Variants in CLEC4C observed in about 807,000 individuals in gnomAD.
The protein encoded by CLEC4C is C-type (calcium dependent, carbohydrate-recognition domain) lectin, superfamily member 11.
In CLEC4C, 17 loss-of-function variants were observed where a neutral mutation model predicts 27.7. That is an observed-to-expected ratio of 0.61 (90% CI 0.42 to 0.92). The LOEUF is 0.92. Ranked by LOEUF, CLEC4C falls within the 40% of genes least tolerant of loss-of-function variation. The probability of loss-of-function intolerance (pLI) is 0.00; values close to 1 mark genes in which losing one functional copy is unlikely to be tolerated. For synonymous variants in CLEC4C, 80 were observed against 80.8 expected, an observed-to-expected ratio of 0.99 and a Z score of 0.06; for missense variants, 244 against 257.3, an observed-to-expected ratio of 0.95 and a Z score of 0.35.
Position 7,746,359 on chromosome 12 carries a change from G to A in CLEC4C, c.96C>T (p.Leu32=), listed in dbSNP as rs755183234. Residue 32 remains leucine (L), a synonymous_variant, in exon 2 of 6, where the codon CTC becomes CTT. Transcript: ENST00000360345. ...CAGAACTCACAGTGAAACAGACACT[G>A]AGGAGCAAGATGGATACGACTGCCA... is the stretch of plus-strand genomic sequence containing the variant. ...WSMAVVSILL[L]SVCFTVSSVV... 1 of 1,613,612 alleles carries A rather than the reference G, an allele frequency of 6.2e-7. No homozygotes were observed. The highest frequency in any genetic ancestry group is 8.5e-7 in the Non-Finnish European group (1 of 1,179,610).
At chr12:7,747,122 C>A (rs1417033367) in intron 1 of CLEC4C, among the ~76,000 whole-genome samples, 196 bp downstream of exon 1, 1 of 152,176 alleles carries the variant, frequency 6.6e-6, no homozygotes, top group East Asian at 1.9e-4. Context: ...CGCGCCCGCC[C>A]GGCCTTTCTT....
intron 5 of CLEC4C, 115 bp from the exon 6 acceptor site, chr12:7,729,855 CA>C (rs1387077501): frequency 1.7e-5 from 15 of 858,042 alleles, no homozygotes; most frequent in Non-Finnish European, 2.2e-5. Flanking sequence ...CTACCCAAAC[CA>C]CCTTCTCACT....
rs189068733 is a variant in CLEC4C at position 7,741,915 on chromosome 12, G to A, written c.125-384C>T. Among the ~76,000 whole-genome samples, 419 of 152,168 alleles carry A rather than the reference G, an allele frequency of 2.8e-3. 5 individuals carry two copies. Among genetic ancestry groups the A allele is most frequent in the Middle Eastern group, 0.014 (4 of 294 alleles). ...GGGCACCTATAATCCGAGCTACTTG[G>A]GAGGCTGAGGCAAGAGAATTGCTAG... On this transcript the variant is annotated intron_variant, in intron 2 of 5. Coordinates refer to ENST00000360345, the MANE Select transcript of CLEC4C (RefSeq NM_001371390.1).
chr12:7,744,180 C>T (rs1386730183), intron 2 of CLEC4C, among the ~76,000 whole-genome samples: 1 of 152,170 alleles, frequency 6.6e-6, no homozygotes, highest in Non-Finnish European at 1.5e-5. Flanking sequence ...TTGTCCCTTC[C>T]AAATTTCAAA....
At chr12:7,747,658 T>C (rs1865014852), upstream of CLEC4C, 10 of 293,354 alleles carry the variant, frequency 3.4e-5, no homozygotes, top group South Asian at 3.9e-4. Context: ...TTTTTTTTTT[T>C]CTAGACAGGG....
upstream of CLEC4C, chr12:7,747,381 T>C (rs553077195): frequency 9.9e-6 from 16 of 1,612,170 alleles, no homozygotes; most frequent in Non-Finnish European, 1.4e-5. Context: ...ACTTCCTCTA[T>C]CAGGTGGGTG....
upstream of CLEC4C, chr12:7,747,508 A>G: frequency 3.1e-6 from 2 of 651,206 alleles, no homozygotes; most frequent in Non-Finnish European, 2.8e-6. Flanking sequence ...GATGTGACTT[A>G]GGAGACTCTG....
chr12:7,749,344 A>C (rs943244198), upstream of CLEC4C: 4 of 151,910 alleles, frequency 2.6e-5, no homozygotes, highest in African/African-American at 9.7e-5. Context: ...GCTTCAGGCC[A>C]GGAGTTCAAG....
At chr12:7,730,409 G>A (rs568726572) in intron 5 of CLEC4C, among the ~76,000 whole-genome samples, 42 of 152,192 alleles carry the variant, frequency 2.8e-4, no homozygotes, top group Non-Finnish European at 5.1e-4. Flanking sequence ...GGGAGGCCAA[G>A]GCAGGTGGAT....
rs920948779 is a variant in CLEC4C at position 7,741,450 on chromosome 12, G to A, written c.206C>T (p.Thr69Ile). Residue 69 changes from threonine (T) to isoleucine (I), a missense_variant, in exon 3 of 6, where the codon ACC becomes ATC. Thr to Ile is a moderately conservative substitution (Grantham distance 89). Transcript: ENST00000360345. ...TATGTCCTTTCCTTCCATGACGCAG[G>A]TCAGGCTTGGATGATACTGTTGATA... ...REYQQYHPSLTCVMEGKDIED... is the reference protein window; with the variant it reads ...REYQQYHPSLICVMEGKDIED... The A allele has an allele frequency of 1.2e-6, 2 of 1,608,834 alleles. No homozygotes were observed. Among genetic ancestry groups the A allele is most frequent in the Non-Finnish European group, 1.7e-6 (2 of 1,175,064 alleles).
At chr12:7,738,180 T>G (rs7311932) in intron 3 of CLEC4C, among the ~76,000 whole-genome samples, 36,135 of 152,178 alleles carry the variant, frequency 0.24, 4,756 homozygotes, top group Admixed American at 0.32. Context: ...GAGTAAGACA[T>G]ATCTGGGTTG....
chr12:7,749,312 G>A (rs1865052274), upstream of CLEC4C: 1 of 151,816 alleles, frequency 6.6e-6, no homozygotes, highest in Non-Finnish European at 1.5e-5. Flanking sequence ...TCAGCACTTT[G>A]GGAGGCTGAG....
At chr12:7,730,621 T>G (rs1052267251) in intron 5 of CLEC4C, among the ~76,000 whole-genome samples, 176 bp downstream of exon 5, 1 of 145,440 alleles carries the variant, frequency 6.9e-6, no homozygotes, top group African/African-American at 2.6e-5. Flanking sequence ...GCCTGGGTGA[T>G]GGAGTGAGAC....
chr12:7,736,920 A>AAATC (rs1864739377), intron 4 of CLEC4C, among the ~76,000 whole-genome samples: 1 of 151,826 alleles, frequency 6.6e-6, no homozygotes, highest in Non-Finnish European at 1.5e-5. Flanking sequence ...ATAAATAAAT[A>AAATC]AATAAAAATA....
At chr12:7,742,217 T>C (rs11055551) in intron 2 of CLEC4C, among the ~76,000 whole-genome samples, 47,013 of 151,364 alleles carry the variant, frequency 0.31, 7,700 homozygotes, top group Admixed American at 0.35. Flanking sequence ...AAATAAAGAA[T>C]CTTATGACTT....
intron 4 of CLEC4C, among the ~76,000 whole-genome samples, chr12:7,732,468 C>G (rs959160834): frequency 6.6e-6 from 1 of 151,618 alleles, no homozygotes; most frequent in African/African-American, 2.4e-5. Context: ...TCTTCTGCCT[C>G]AGGCTCCAGA....
chr12:7,743,470 C>T (rs947878038), intron 2 of CLEC4C, among the ~76,000 whole-genome samples: 9 of 151,826 alleles, frequency 5.9e-5, no homozygotes, highest in East Asian at 1.9e-4. Context: ...CTGCAAGCTC[C>T]GCCTCCTGGG....
Position 7,729,558 on chromosome 12 carries a change from A to G in CLEC4C, c.*38T>C, listed in dbSNP as rs1248685715. 6 of 1,597,500 alleles carry G rather than the reference A, an allele frequency of 3.8e-6. No individual in the cohort carries two copies. Among genetic ancestry groups the G allele is most frequent in the Admixed American group, 3.4e-5 (2 of 58,748 alleles). On this transcript the variant is annotated 3_prime_UTR_variant, in exon 6 of 6. Transcript: ENST00000360345. ...TCAATTTAGCTTTCTACAACGGTGG[A>G]TGCCAACCCAAACACATTTCCAGGG...
intron 4 of CLEC4C, among the ~76,000 whole-genome samples, chr12:7,733,499 T>C (rs966914886): frequency 3.3e-5 from 5 of 149,292 alleles, no homozygotes; most frequent in African/African-American, 1.2e-4. Context: ...TTTTTTTTTT[T>C]GAGACTGAGT....
Sources: allele counts gnomAD v4.1 joint callset (sites outside exome capture counted in the v4.1 genomes callset), GRCh38; gene constraint gnomAD v4.1.1; transcripts MANE v1.5; gene names NCBI Gene and HGNC (gene_info 2026-07-23, HGNC 2026-07-21).